The following EWSR1 variants were observed in gnomAD, a reference collection of about 807,000 sequenced individuals.
EWSR1 encodes the protein EWS RNA binding protein 1, also known as RNA-binding protein EWS.
In EWSR1, 14 loss-of-function variants were observed where a neutral mutation model predicts 92.1. That is an observed-to-expected ratio of 0.15 (90% CI 0.10 to 0.24). The LOEUF (loss-of-function observed/expected upper bound fraction) is 0.24, where lower values mean the gene tolerates loss of function less well. Among genes scored for constraint, EWSR1 ranks in the 10% least tolerant of loss-of-function variants. The pLI, the probability that EWSR1 is intolerant of heterozygous loss-of-function variation, is 1.00. For missense variants in EWSR1, 637 were observed against 870.9 expected (o/e 0.73, Z 3.38); for synonymous variants, 303 against 292.9 (o/e 1.03, Z -0.35).
intron 10 of EWSR1, 64 bp from the exon 11 acceptor site, chr22:29,292,424 C>A: frequency 1.9e-6 from 2 of 1,073,934 alleles, no homozygotes; most frequent in Non-Finnish European, 2.9e-6. Flanking sequence ...CAGTAGTGAT[C>A]AGGTAGTTAA....
chr22:29,278,262 A>G, intron 5 of EWSR1, 46 bp downstream of exon 5: 2 of 1,573,518 alleles, frequency 1.3e-6, no homozygotes, highest in Non-Finnish European at 1.7e-6. Flanking sequence ...GTTGGAGGGA[A>G]AGAAAGCAAC....
At chr22:29,278,968 C>G (rs1439597056) in intron 5 of EWSR1, among the ~76,000 whole-genome samples, 1 of 151,352 alleles carries the variant, frequency 6.6e-6, no homozygotes, top group African/African-American at 2.4e-5. Flanking sequence ...GTACTCTAGC[C>G]TGGGCGACAG....
At chr22:29,292,683 A>T in intron 11 of EWSR1, 77 bp downstream of exon 11, 1 of 926,216 alleles carries the variant, frequency 1.1e-6, no homozygotes, top group Non-Finnish European at 1.7e-6. Flanking sequence ...ATTGATGTTG[A>T]GAGTTGTTTT....
Position 29,272,471 on chromosome 22 carries a change from T to TA in EWSR1, c.102+44dup, listed in dbSNP as rs756465092. On this transcript the variant is annotated intron_variant, in intron 3 of 16. Coordinates refer to ENST00000397938, the MANE Select transcript of EWSR1 (RefSeq NM_005243.4). ...AATTACATGTAGCTGCACCTCCAAG[T>TA]AAAATCAGTATATTATCCAGTTATC... 1.9e-6 allele frequency: 3 copies of TA among 1,565,470 alleles called. No individual in the cohort carries two copies. The African/African-American group carries it at 4.1e-5, about 21-fold the overall frequency.
At chr22:29,279,415 G>T (rs557039686) in intron 5 of EWSR1, among the ~76,000 whole-genome samples, 2 of 152,280 alleles carry the variant, frequency 1.3e-5, no homozygotes, top group South Asian at 2.1e-4. Context: ...TCCCTACATT[G>T]TATAGAGGCT....
intron 1 of EWSR1, among the ~76,000 whole-genome samples, chr22:29,270,638 T>C (rs1292442920): frequency 2.0e-5 from 3 of 152,228 alleles, no homozygotes; most frequent in Admixed American, 6.5e-5. Context: ...GTTTGATGTT[T>C]TACATAACTG....
chr22:29,292,266 T>G, intron 10 of EWSR1, 97 bp downstream of exon 10: 1 of 1,243,910 alleles, frequency 8.0e-7, no homozygotes, highest in Non-Finnish European at 1.2e-6. Flanking sequence ...TATAGACCAG[T>G]GTGATATTCT....
Position 29,268,324 on chromosome 22 carries a change from GGAA to G in EWSR1, c.-11_-9del. On this transcript the variant is annotated 5_prime_UTR_variant, in exon 1 of 17. Coordinates refer to ENST00000397938, the MANE Select transcript of EWSR1 (RefSeq NM_005243.4). ...GAGACGGACGTTGAGAGAACGAGGA[GGAA>G]GGAGAGAAAATGGCGTCCACGGGTG... 1.2e-6 allele frequency: 2 copies of G among 1,613,980 alleles called. No homozygotes were observed.
intron 1 of EWSR1, 80 bp downstream of exon 1, chr22:29,268,429 G>A (rs1285774246): frequency 1.9e-6 from 3 of 1,612,522 alleles, no homozygotes; most frequent in African/African-American, 1.3e-5. Flanking sequence ...GGGCTTGGCT[G>A]GGAAGACTGA....
At chr22:29,296,418 C>A in intron 12 of EWSR1, 50 bp downstream of exon 12, 1 of 1,601,612 alleles carries the variant, frequency 6.2e-7, no homozygotes, top group Non-Finnish European at 8.5e-7. Context: ...TAGAATATGG[C>A]ATGAGGGAGA....
intron 3 of EWSR1, 76 bp from the exon 4 acceptor site, chr22:29,273,665 C>T: frequency 6.6e-7 from 1 of 1,522,406 alleles, no homozygotes; most frequent in Non-Finnish European, 8.9e-7. Context: ...TTTTGGTTCT[C>T]CAATTTAGTC....
chr22:29,272,281 G>A, intron 2 of EWSR1, 29 bp downstream of exon 2: 2 of 1,613,694 alleles, frequency 1.2e-6, no homozygotes, highest in Non-Finnish European at 1.7e-6. Flanking sequence ...ACCGTATTTT[G>A]TGTGTGATTA....
rs377529980 is a variant in EWSR1, at chr22:29,299,577, C to T, written c.1679-22C>T. 2.8e-5 allele frequency: 44 copies of T among 1,565,182 alleles called. 1 individual carries two copies. In the Middle Eastern group the frequency reaches 1.2e-3, roughly 41 times the overall value. On this transcript the variant is annotated intron_variant, in intron 15 of 16. Coordinates refer to ENST00000397938, the MANE Select transcript of EWSR1 (RefSeq NM_005243.4). ...TCTGCAGCCACCCACTGACTGCTTT[C>T]GCCCTGCTATTCTCACCTTAGGTGG...
At position 29,296,229 on chromosome 22, in the gene EWSR1, C is replaced by T; in HGVS notation, c.1165-10C>T. ...TCTAGTCATGCCTAACTATGCTATTCTTTGTCTAGATGAACAAGAGAACTG... is the reference window on the plus strand; with the variant it reads ...TCTAGTCATGCCTAACTATGCTATTTTTTGTCTAGATGAACAAGAGAACTG... On this transcript the variant is annotated splice_polypyrimidine_tract_variant and intron_variant, in intron 11 of 16. Coordinates refer to ENST00000397938, the MANE Select transcript of EWSR1 (RefSeq NM_005243.4). 6.2e-7 allele frequency: 1 copy of T among 1,613,306 alleles called. No individual in the cohort carries two copies. The highest frequency in any genetic ancestry group is 8.5e-7 in the Non-Finnish European group (1 of 1,179,684).
chr22:29,271,565 G>GCTGAA (rs2058684954), intron 1 of EWSR1, among the ~76,000 whole-genome samples: 1 of 152,108 alleles, frequency 6.6e-6, no homozygotes, highest in Non-Finnish European at 1.5e-5. Context: ...CAGTCTTCAG[G>GCTGAA]GTTCTGCCTT....
At position 29,284,735 on chromosome 22, in the gene EWSR1, C is replaced by G. The variant is rs568929844; in HGVS notation, c.581+2178C>G. On this transcript the variant is annotated intron_variant, in intron 6 of 16. Coordinates refer to ENST00000397938, the MANE Select transcript of EWSR1 (RefSeq NM_005243.4). ...CTCGAACTTCCTGGCCTAGTTTAAT[C>G]GGACTTTAAAATATGTGTCCTTACT... 2.0e-5 allele frequency among the ~76,000 whole-genome samples: 3 copies of G among 151,366 alleles called. No individual in the cohort carries two copies. In the South Asian group the frequency reaches 6.2e-4, roughly 31 times the overall value.
chr22:29,278,974 G>A (rs1177357919), intron 5 of EWSR1, among the ~76,000 whole-genome samples: 15 of 151,306 alleles, frequency 9.9e-5, no homozygotes, highest in African/African-American at 2.2e-4. Context: ...TAGCCTGGGC[G>A]ACAGAGGAAG....
At position 29,269,979 on chromosome 22, in the gene EWSR1, G is replaced by T. The variant is rs193216079; in HGVS notation, c.13+1630G>T. Among the ~76,000 whole-genome samples the T allele has an allele frequency of 1.8e-3, 269 of 152,274 alleles. 1 individual carries two copies. The highest frequency in any genetic ancestry group is 6.3e-3 in the African/African-American group (260 of 41,554). On this transcript the variant is annotated intron_variant, in intron 1 of 16. Coordinates refer to ENST00000397938, the MANE Select transcript of EWSR1 (RefSeq NM_005243.4). Reference sequence around the variant, plus strand: ...TAAACACATTAGGCCTGGCTGGGGGGGCCTTCAGAGAGTCACATAAGTAAT... The same window carrying T: ...TAAACACATTAGGCCTGGCTGGGGGTGCCTTCAGAGAGTCACATAAGTAAT...
rs34364071 is a variant in EWSR1, at chr22:29,278,825, A to AG, written c.413+609_413+610insG. Among the ~76,000 whole-genome samples the AG allele has an allele frequency of 8.2e-3, 499 of 61,186 alleles. 5 individuals are homozygous for AG. The highest frequency in any genetic ancestry group is 0.026 in the African/African-American group (483 of 18,268). The allele number at this position is 61,186 out of a possible 152,430, so 40.1% of individuals were successfully genotyped here. ...GGGAGACATAGCAAGACTCGGTCTC[A>AG]AAAAAAAAAAAATAGAAAAATTAGC... is the stretch of plus-strand genomic sequence containing the variant. On this transcript the variant is annotated intron_variant, in intron 5 of 16. Transcript: ENST00000397938.
Sources: gnomAD v4.1 joint callset for allele counts (sites outside exome capture counted in the v4.1 genomes callset) on GRCh38, gnomAD v4.1.1 for gene constraint, MANE v1.5 for transcripts, NCBI Gene and HGNC (gene_info 2026-07-23, HGNC 2026-07-21) for gene names.